The following MED26 variants were observed in gnomAD, a reference collection of about 807,000 sequenced individuals.
MED26 encodes mediator of RNA polymerase II transcription subunit 26.
Under a neutral mutation model 43.7 loss-of-function variants are expected in MED26, and 7 were observed. The observed-to-expected ratio is 0.16, with a 90% CI of 0.09 to 0.30. The LOEUF (loss-of-function observed/expected upper bound fraction) is 0.30. Ranked by LOEUF, MED26 falls within the 10% of genes least tolerant of loss-of-function variation. The pLI, the probability that MED26 is intolerant of heterozygous loss-of-function variation, is 1.00. For synonymous variants in MED26, 375 were observed against 371.1 expected (o/e 1.01, Z -0.12); for missense variants, 784 against 840.6 (o/e 0.93, Z 0.83).
intron 1 of MED26, among the ~76,000 whole-genome samples, chr19:16,601,954 C>T (rs563300936): frequency 3.9e-5 from 6 of 152,272 alleles, no homozygotes; most frequent in South Asian, 2.1e-4. Flanking sequence ...CAGGAAGGGA[C>T]GTGGCTGTGG....
chr19:16,589,845 T>C (rs925774917), intron 1 of MED26, among the ~76,000 whole-genome samples: 1 of 152,226 alleles, frequency 6.6e-6, no homozygotes, highest in Non-Finnish European at 1.5e-5. Flanking sequence ...CAGAAACAGA[T>C]GGTGAAGCTG....
chr19:16,582,346 G>C (rs2086049892), intron 1 of MED26, among the ~76,000 whole-genome samples: 1 of 152,190 alleles, frequency 6.6e-6, no homozygotes, highest in Non-Finnish European at 1.5e-5. Context: ...GAGCAATGCA[G>C]CGAGGAATCC....
At chr19:16,603,760 AC>A (rs1295786309) in intron 1 of MED26, among the ~76,000 whole-genome samples, 2 of 152,088 alleles carry the variant, frequency 1.3e-5, no homozygotes, top group Non-Finnish European at 2.9e-5. Flanking sequence ...GCAGTGGGGG[AC>A]CAGGGGAGCT....
chr19:16,578,236 A>G, intron 2 of MED26, 99 bp downstream of exon 2: 1 of 1,150,780 alleles, frequency 8.7e-7, no homozygotes, highest in East Asian at 2.3e-5. Flanking sequence ...CCTCCGAAGC[A>G]AAGACACTGA....
At chr19:16,626,295 T>C (rs1030723661) in intron 1 of MED26, among the ~76,000 whole-genome samples, 4 of 152,206 alleles carry the variant, frequency 2.6e-5, no homozygotes, top group Non-Finnish European at 2.9e-5. Flanking sequence ...CCACAAAAGA[T>C]GCACAAGTCA....
At chr19:16,627,535 G>A (rs2086285642) in intron 1 of MED26, among the ~76,000 whole-genome samples, 1 of 152,248 alleles carries the variant, frequency 6.6e-6, no homozygotes, top group Admixed American at 6.5e-5. Context: ...GGGGTCTCGG[G>A]TCCCGGAGGG....
intron 1 of MED26, among the ~76,000 whole-genome samples, chr19:16,602,343 CCTCACACCCTG>C (rs1420870007): frequency 6.6e-5 from 10 of 152,170 alleles, no homozygotes; most frequent in African/African-American, 2.4e-4. Flanking sequence ...GGAAGGTCTT[CCTCACACCCTG>C]CACACAGCCT....
chr19:16,579,242 ACAG>A (rs1419350654), intron 1 of MED26, among the ~76,000 whole-genome samples: 1 of 152,230 alleles, frequency 6.6e-6, no homozygotes, highest in Non-Finnish European at 1.5e-5. Context: ...GAATGCCTGT[ACAG>A]CAGTACAGCT....
chr19:16,577,932 G>A lies in MED26; in HGVS notation c.148-250C>T, dbSNP rs879814628. ...AGCAGTGCTGTCACCCAGGCTCCTGGTGTCAGGGGGCTGTGGACCATCAAG... is the reference window on the plus strand; with the variant it reads ...AGCAGTGCTGTCACCCAGGCTCCTGATGTCAGGGGGCTGTGGACCATCAAG... On this transcript the variant is annotated intron_variant, in intron 2 of 2. Coordinates refer to ENST00000263390, the MANE Select transcript of MED26 (RefSeq NM_004831.5). The surrounding 1 kb of genome is among the most constrained non-coding windows in gnomAD (Gnocchi z 8.1). 3.6e-5 allele frequency: 17 copies of A among 473,618 alleles called. No individual in the cohort carries two copies. Among genetic ancestry groups the A allele is most frequent in the Middle Eastern group, 5.4e-4 (1 of 1,868 alleles). The allele number at this position is 473,618 out of a possible 1,614,324, so 29.3% of individuals were successfully genotyped here.
intron 1 of MED26, among the ~76,000 whole-genome samples, chr19:16,595,451 C>T (rs1339729503): frequency 6.6e-6 from 1 of 152,172 alleles, no homozygotes; most frequent in Admixed American, 6.5e-5. Context: ...GTCTTGAACC[C>T]CAGCAGCCTC....
At chr19:16,627,786 G>T in intron 1 of MED26, 86 bp downstream of exon 1, 2 of 1,006,944 alleles carry the variant, frequency 2.0e-6, no homozygotes, top group South Asian at 2.7e-5. Flanking sequence ...CGGGTCCCCC[G>T]AAGCCCGGTG....
At chr19:16,596,764 A>G (rs1345203806) in intron 1 of MED26, among the ~76,000 whole-genome samples, 1 of 152,148 alleles carries the variant, frequency 6.6e-6, no homozygotes. Context: ...GACCTGGGGT[A>G]AGGTCTTCCA....
At position 16,599,115 on chromosome 19, in the gene MED26, C is replaced by A. The variant is rs890535369; in HGVS notation, c.73-20706G>T. On this transcript the variant is annotated intron_variant, in intron 1 of 2. Transcript: ENST00000263390. Reference sequence around the variant, plus strand: ...GGGAAGAGACTGCTGTCAGGCAGGGCTCCAGATGCCATCGAATCATTTTGA... The same window carrying A: ...GGGAAGAGACTGCTGTCAGGCAGGGATCCAGATGCCATCGAATCATTTTGA... 2.6e-5 allele frequency among the ~76,000 whole-genome samples: 4 copies of A among 152,166 alleles called. No individual in the cohort carries two copies. In the South Asian group the frequency reaches 8.3e-4, roughly 32 times the overall value.
intron 1 of MED26, among the ~76,000 whole-genome samples, chr19:16,609,336 A>AGAGAGAG (rs1555700670): frequency 5.6e-5 from 8 of 142,264 alleles, no homozygotes; most frequent in African/African-American, 1.5e-4. Flanking sequence ...AAAAAAAAAA[A>AGAGAGAG]AGAGAGAGAA....
rs571405536 is a variant in MED26, at chr19:16,618,378, A to C, written c.72+9494T>G. The stretch of plus-strand genomic sequence containing the variant: ...AGGGAGGAAAAAACAGCACCATTCA[A>C]GACTGTCTCCAGCCCAGGACAGGAT... On this transcript the variant is annotated intron_variant, in intron 1 of 2. Transcript: ENST00000263390. 3.9e-5 allele frequency among the ~76,000 whole-genome samples: 6 copies of C among 152,292 alleles called. 1 individual carries two copies. In the South Asian group the frequency reaches 1.2e-3, roughly 32 times the overall value.
rs1461950542 is a variant in MED26 at position 16,586,655 on chromosome 19, C to A, written c.73-8246G>T. Among the ~76,000 whole-genome samples, 1 of 152,260 alleles carries A rather than the reference C, an allele frequency of 6.6e-6. No homozygotes were observed. The highest frequency in any genetic ancestry group is 1.5e-5 in the Non-Finnish European group (1 of 68,044). ...TCAGATGGCACTGGAGCCCACTCCCCACCGGGCTGGCCCTGGGAACAGTGC... is the reference window on the plus strand; with the variant it reads ...TCAGATGGCACTGGAGCCCACTCCCAACCGGGCTGGCCCTGGGAACAGTGC... On this transcript the variant is annotated intron_variant, in intron 1 of 2. Coordinates refer to ENST00000263390, the MANE Select transcript of MED26 (RefSeq NM_004831.5). The surrounding 1 kb of genome is among the most constrained non-coding windows in gnomAD (Gnocchi z 5.1).
rs761352001 is a variant in MED26 at position 16,576,861 on chromosome 19, T to C, written c.969A>G (p.Thr323=). Residue 323 remains threonine (T), a synonymous_variant, in exon 3 of 3, where the codon ACA becomes ACG. Transcript: ENST00000263390. This position sits in a 1 kb window ranked among gnomAD's most constrained non-coding sequence, Gnocchi z 6.8. ...PSPLPLAQPS[T]PPVRRLELLP... ...GCAGCTCGAGCCGCCGTACGGGGGG[T>C]GTGGACGGCTGTGCCAGTGGAAGCG... 107 of 1,609,282 alleles carry C rather than the reference T, an allele frequency of 6.6e-5. 1 individual carries two copies. In the Admixed American group the frequency reaches 1.8e-3, roughly 27 times the overall value.
chr19:16,598,355 A>AAAT (rs1282032599), intron 1 of MED26, among the ~76,000 whole-genome samples: 6 of 150,142 alleles, frequency 4.0e-5, no homozygotes, highest in African/African-American at 1.5e-4. Flanking sequence ...AAAAAAAAAA[A>AAAT]AAAAATTACC....
chr19:16,626,272 T>C (rs141706608), intron 1 of MED26, among the ~76,000 whole-genome samples: 1 of 152,260 alleles, frequency 6.6e-6, no homozygotes, highest in East Asian at 1.9e-4. Flanking sequence ...ATTAAAAAAA[T>C]TACCTTCCGG....
Sources: gnomAD v4.1 joint callset for allele counts (sites outside exome capture counted in the v4.1 genomes callset) on GRCh38, gnomAD v4.1.1 for gene constraint, Gnocchi (gnomAD v3.1) non-coding constraint, MANE v1.5 for transcripts, NCBI Gene and HGNC (gene_info 2026-07-23, HGNC 2026-07-21) for gene names.